The following RTN1 variants were observed in gnomAD, a reference collection of about 807,000 sequenced individuals.
RTN1 encodes reticulon-1.
A neutral mutation model predicts 65.5 loss-of-function variants in RTN1; 25 were observed. The ratio of observed to expected loss-of-function variants is 0.38; its 90% CI spans 0.28 to 0.53. RTN1 has a LOEUF of 0.53. Ranked by LOEUF, RTN1 falls within the 20% of genes least tolerant of loss-of-function variation. The pLI is 0.79. For missense variants in RTN1, 983 were observed against 1,025.4 expected (o/e 0.96, Z 0.57); for synonymous variants, 471 against 447.6 (o/e 1.05, Z -0.66).
intron 3 of RTN1, among the ~76,000 whole-genome samples, chr14:59,661,567 T>A (rs1883248485): frequency 6.6e-6 from 1 of 152,184 alleles, no homozygotes; most frequent in Non-Finnish European, 1.5e-5. Flanking sequence ...TCAAGTCAGC[T>A]TCATCACTGG....
At chr14:59,753,586 A>G (rs1885574827) in intron 1 of RTN1, among the ~76,000 whole-genome samples, 1 of 152,228 alleles carries the variant, frequency 6.6e-6, no homozygotes, top group African/African-American at 2.4e-5. Context: ...TATGGTGCCT[A>G]TCAGTTAGAA....
chr14:59,626,410 A>C lies in RTN1; in HGVS notation c.1766-18918T>G, dbSNP rs571421033. ...GTAACTACAAAATGCTGCCACGCAG[A>C]GTAAAGTGGGAGGTGACCTCTAGCC... On this transcript the variant is annotated intron_variant, in intron 3 of 8. Coordinates refer to ENST00000267484, the MANE Select transcript of RTN1 (RefSeq NM_021136.3). Among the ~76,000 whole-genome samples, 24 of 152,320 alleles carry C rather than the reference A, an allele frequency of 1.6e-4. No individual in the cohort carries two copies. In the South Asian group the frequency reaches 3.9e-3, roughly 25 times the overall value.
intron 1 of RTN1, among the ~76,000 whole-genome samples, chr14:59,850,886 CA>C (rs1228924313): frequency 6.6e-6 from 1 of 152,112 alleles, no homozygotes; most frequent in Non-Finnish European, 1.5e-5. Context: ...TTTTCTCTTG[CA>C]AAAGTTTCTT....
intron 3 of RTN1, among the ~76,000 whole-genome samples, chr14:59,655,725 A>G (rs1883109164): frequency 6.6e-6 from 1 of 152,226 alleles, no homozygotes; most frequent in Non-Finnish European, 1.5e-5. Flanking sequence ...AGTGGGGGAG[A>G]GAATTTTCTG....
chr14:59,682,962 C>A (rs1369832860), intron 3 of RTN1, among the ~76,000 whole-genome samples: 1 of 151,928 alleles, frequency 6.6e-6, no homozygotes, highest in Non-Finnish European at 1.5e-5. Context: ...TGATTTGTAC[C>A]TAGGGGAGTG....
intron 1 of RTN1, among the ~76,000 whole-genome samples, chr14:59,810,028 C>A (rs1274986086): frequency 6.6e-6 from 1 of 152,180 alleles, no homozygotes; most frequent in Non-Finnish European, 1.5e-5. Context: ...GTGCTACCTG[C>A]AAGAGAAAGA....
In RTN1 at chr14:59,634,041, A is replaced by C. The variant is rs1303583656; in HGVS notation, c.1766-26549T>G. On this transcript the variant is annotated intron_variant, in intron 3 of 8. Transcript: ENST00000267484. ...CGCTGGTGTTTATGTGTGGGCAAAT[A>C]ATAACCAAAAAGGTAAATATATAAT... 4.6e-5 allele frequency among the ~76,000 whole-genome samples: 7 copies of C among 152,346 alleles called. No individual in the cohort carries two copies. In the East Asian group the frequency reaches 1.3e-3, roughly 29 times the overall value.
At chr14:59,760,077 T>A (rs1352312271) in intron 1 of RTN1, among the ~76,000 whole-genome samples, 1 of 152,158 alleles carries the variant, frequency 6.6e-6, no homozygotes, top group East Asian at 1.9e-4. Flanking sequence ...ATAGCATAAG[T>A]TGAAAAAAAA....
chr14:59,805,327 C>T (rs1886617661), intron 1 of RTN1, among the ~76,000 whole-genome samples: 1 of 152,230 alleles, frequency 6.6e-6, no homozygotes, highest in African/African-American at 2.4e-5. Flanking sequence ...TTTCCTTCTT[C>T]ACTGCTCTAC....
chr14:59,734,898 T>A (rs1346080432), intron 2 of RTN1, among the ~76,000 whole-genome samples: 2 of 151,960 alleles, frequency 1.3e-5, no homozygotes, highest in Non-Finnish European at 2.9e-5. Context: ...CCCAGCAAGA[T>A]AATCAATGAA....
At chr14:59,728,249 CTTTTTTTTT>C (rs200434592) in intron 2 of RTN1, among the ~76,000 whole-genome samples, 7 of 124,198 alleles carry the variant, frequency 5.6e-5, no homozygotes, top group South Asian at 6.0e-4. Flanking sequence ...GAATCAGTAT[CTTTTTTTTT>C]TTTTTTTTTT....
At chr14:59,769,547 C>G (rs925662012) in intron 1 of RTN1, among the ~76,000 whole-genome samples, 14 of 152,160 alleles carry the variant, frequency 9.2e-5, no homozygotes, top group South Asian at 2.1e-4. Flanking sequence ...CTTGTAAAAC[C>G]AGACCCACAG....
At chr14:59,815,683 A>G (rs961207189) in intron 1 of RTN1, among the ~76,000 whole-genome samples, 21 of 152,196 alleles carry the variant, frequency 1.4e-4, no homozygotes, top group African/African-American at 4.8e-4. Flanking sequence ...TGCCTGGCTC[A>G]TCCCAGTTCT....
At position 59,836,791 on chromosome 14, in the gene RTN1, T is replaced by C. The variant is rs1887219995; in HGVS notation, c.241+33599A>G. ...TGAGCGGGGTGACACATCGCAGGGGTGCTTAGACAAACCAATCCAAAAGGT... is the reference window on the plus strand; with the variant it reads ...TGAGCGGGGTGACACATCGCAGGGGCGCTTAGACAAACCAATCCAAAAGGT... On this transcript the variant is annotated intron_variant, in intron 1 of 8. Coordinates refer to ENST00000267484, the MANE Select transcript of RTN1 (RefSeq NM_021136.3). The surrounding 1 kb of genome is among the most constrained non-coding windows in gnomAD (Gnocchi z 4.9). 6.6e-6 allele frequency among the ~76,000 whole-genome samples: 1 copy of C among 151,784 alleles called. No homozygotes were observed.
intron 2 of RTN1, among the ~76,000 whole-genome samples, chr14:59,735,139 G>T (rs1443303231): frequency 6.6e-6 from 1 of 152,098 alleles, no homozygotes; most frequent in Non-Finnish European, 1.5e-5. Flanking sequence ...GCCAAACTAA[G>T]CTTAATAAGT....
chr14:59,787,672 C>G (rs1886275753), intron 1 of RTN1, among the ~76,000 whole-genome samples: 1 of 152,080 alleles, frequency 6.6e-6, no homozygotes, highest in African/African-American at 2.4e-5. Context: ...CAAAAGTGGG[C>G]AGAATTACAA....
intron 1 of RTN1, among the ~76,000 whole-genome samples, chr14:59,841,892 C>T (rs919936136): frequency 7.2e-5 from 11 of 151,964 alleles, no homozygotes; most frequent in East Asian, 1.9e-4. Flanking sequence ...TTTGGGAGGC[C>T]GAGGCGGGTA....
chr14:59,663,638 A>AG (rs1883299826), intron 3 of RTN1, among the ~76,000 whole-genome samples: 1 of 124,968 alleles, frequency 8.0e-6, no homozygotes, highest in Admixed American at 8.6e-5. Flanking sequence ...ATTTACAAGA[A>AG]AAAAAAAACC....
intron 3 of RTN1, among the ~76,000 whole-genome samples, chr14:59,613,537 A>T (rs1201633508): frequency 2.0e-5 from 3 of 152,100 alleles, no homozygotes; most frequent in African/African-American, 7.2e-5. Flanking sequence ...TGATCCTGTG[A>T]TCCACCTGCC....
Sources: allele counts gnomAD v4.1 joint callset (sites outside exome capture counted in the v4.1 genomes callset), GRCh38; gene constraint gnomAD v4.1.1; non-coding constraint Gnocchi (gnomAD v3.1); transcripts MANE v1.5; gene names NCBI Gene and HGNC (gene_info 2026-07-23, HGNC 2026-07-21).